The following IRAK1 variants were observed in gnomAD, a reference collection of about 807,000 sequenced individuals.
IRAK1 encodes the protein interleukin-1 receptor-associated kinase 1.
Under a neutral mutation model 49.8 loss-of-function variants are expected in IRAK1, and 9 were observed. That is an observed-to-expected ratio of 0.18 (90% CI 0.11 to 0.32). The LOEUF (loss-of-function observed/expected upper bound fraction) is 0.32. Among genes scored for constraint, IRAK1 ranks in the 10% least tolerant of loss-of-function variants. The pLI is 1.00. For synonymous variants in IRAK1, 282 were observed against 270.8 expected (o/e 1.04, Z -0.41); for missense variants, 418 against 600.5 (o/e 0.70, Z 3.18).
At chrX:154,011,951 T>C (rs2065701740) in intron 13 of IRAK1, 34 bp from the exon 14 acceptor site, 1 of 1,147,547 alleles carries the variant, frequency 8.7e-7, no homozygotes, top group South Asian at 1.8e-5. Context: ...GCTTAGCAAA[T>C]GGGGGAGGCT....
intron 4 of IRAK1, 40 bp downstream of exon 4, chrX:154,018,935 C>T (rs2065760350): frequency 9.3e-7 from 1 of 1,079,085 alleles, no homozygotes; most frequent in Admixed American, 2.7e-5. Context: ...ATTCCTTCCT[C>T]CTTGTCTCGA....
Position 154,019,241 on chromosome X carries a change from C to T in IRAK1, c.392G>A (p.Ser131Asn), listed in dbSNP as rs1557130710. 8.3e-7 allele frequency: 1 copy of T among 1,208,890 alleles called. No homozygotes were observed. The highest frequency in any genetic ancestry group is 1.1e-6 in the Non-Finnish European group (1 of 894,131). ...IPAPAEAEAW[S>N]PRKLPSSAST... ...GGCTGAGGATGGCAACTTCCGGGGG[C>T]TCCAGGCCTCGGCCTCGGCGGGTGC... Residue 131 changes from serine (S) to asparagine (N), a missense_variant, in exon 3 of 14, where the codon AGC (serine) becomes AAC (asparagine). By Grantham distance (46) the Ser-to-Asn change is conservative. Transcript: ENST00000369980.
intron 7 of IRAK1, among the ~76,000 whole-genome samples, chrX:154,017,645 A>T (rs1557129705): frequency 1.8e-5 from 2 of 108,949 alleles, no homozygotes. Flanking sequence ...AAAATACAAA[A>T]ATTAGGCAGG....
rs782442738 is a variant in IRAK1 at position 154,018,140 on chromosome X, A to G, written c.795-20T>C. The G allele has an allele frequency of 8.6e-7, 1 of 1,158,775 alleles. No individual in the cohort carries two copies. Among genetic ancestry groups the G allele is most frequent in the East Asian group, 3.0e-5 (1 of 33,602 alleles). ...CGAAACCTGTTTGAAAAAGGGGAGCACTTTCCATCAGGCCAGACTGGGTGG... is the reference window on the plus strand; with the variant it reads ...CGAAACCTGTTTGAAAAAGGGGAGCGCTTTCCATCAGGCCAGACTGGGTGG... On this transcript the variant is annotated intron_variant, in intron 6 of 13. Coordinates refer to ENST00000369980, the MANE Select transcript of IRAK1 (RefSeq NM_001569.4).
chrX:154,014,131 G>A lies in IRAK1; in HGVS notation c.1450C>T (p.Pro484Ser). Residue 484 changes from proline to serine, a missense_variant, in exon 11 of 14, where the codon CCC (proline) becomes TCC (serine). Transcript: ENST00000369980. ...YKKHLDPRPG[P>S]CPPELGLGLG... ...CCCAGGCCCAGCTCAGGTGGGCAGG[G>A]CCCGGGCCTGGGGTCCAGGTGCTTC... 8.3e-7 allele frequency: 1 copy of A among 1,208,164 alleles called. No individual in the cohort carries two copies. Among genetic ancestry groups the A allele is most frequent in the Non-Finnish European group, 1.1e-6 (1 of 894,029 alleles).
At position 154,014,284 on chromosome X, in the gene IRAK1, G is replaced by A. The variant is rs1469819928; in HGVS notation, c.1303-6C>T. 27 of 1,204,639 alleles carry A rather than the reference G, an allele frequency of 2.2e-5. No individual in the cohort carries two copies. Among genetic ancestry groups the A allele is most frequent in the Non-Finnish European group, 2.9e-5 (26 of 893,387 alleles). On this transcript the variant is annotated splice_polypyrimidine_tract_variant and splice_region_variant and intron_variant, in intron 10 of 13. Transcript: ENST00000369980. ...TCCTCTTCCACCAGGTCTTTCTGTG[G>A]GATAAATACTGTCAGTATGGCTACC... is the stretch of plus-strand genomic sequence containing the variant.
intron 13 of IRAK1, 150 bp downstream of exon 13, chrX:154,012,379 T>A: frequency 1.8e-6 from 1 of 569,195 alleles, no homozygotes; most frequent in Non-Finnish European, 2.7e-6. Context: ...AAGGGAGGCA[T>A]GTGGGGCCGG....
intron 7 of IRAK1, 132 bp downstream of exon 7, chrX:154,017,874 T>G (rs1225602927): frequency 1.8e-5 from 7 of 385,865 alleles, no homozygotes; most frequent in Non-Finnish European, 3.3e-5. Context: ...GCTGGGGAGC[T>G]GGAAGTGCAG....
In IRAK1 at chrX:154,019,898, G is replaced by T; in HGVS notation, c.-86C>A. ...TGGGCCGGCCGGGTCCGCGGACACTGACTCACTTCCCCTTCGAGCCGGCCT... is the reference window on the plus strand; with the variant it reads ...TGGGCCGGCCGGGTCCGCGGACACTTACTCACTTCCCCTTCGAGCCGGCCT... On this transcript the variant is annotated 5_prime_UTR_variant, in exon 1 of 14. Transcript: ENST00000369980. 2 of 436,568 alleles carry T rather than the reference G, an allele frequency of 4.6e-6. No individual in the cohort carries two copies. The highest frequency in any genetic ancestry group is 2.9e-6 in the Non-Finnish European group (1 of 350,509). The allele number at this position is 436,568 out of a possible 1,213,427, so 36.0% of individuals were successfully genotyped here. A position where few individuals can be genotyped will look rare whatever the true frequency, so the allele number is the denominator to read the frequency against.
chrX:154,011,974 G>A, intron 13 of IRAK1, 57 bp from the exon 14 acceptor site: 2 of 1,048,724 alleles, frequency 1.9e-6, no homozygotes, highest in South Asian at 3.8e-5. Flanking sequence ...CCTACTGCCA[G>A]AAGCCCTGGC....
intron 11 of IRAK1, among the ~76,000 whole-genome samples, 197 bp from the exon 12 acceptor site, chrX:154,013,630 A>G (rs2065717807): frequency 8.9e-6 from 1 of 112,836 alleles, no homozygotes. Flanking sequence ...CGGCTGCCAA[A>G]AGCAAGGACT....
At position 154,012,031 on chromosome X, in the gene IRAK1, A is replaced by AT; in HGVS notation, c.2081-115dup. ...CTTATCTCCTGGGGCGTTCGTGGGA[A>AT]TTGAGGGTTTTTGTTTGTTTGTTCA... On this transcript the variant is annotated intron_variant, in intron 13 of 13. Coordinates refer to ENST00000369980, the MANE Select transcript of IRAK1 (RefSeq NM_001569.4). The AT allele has an allele frequency of 8.4e-6, 5 of 598,266 alleles. No individual in the cohort carries two copies. The East Asian group carries it at 1.7e-4, about 20-fold the overall frequency. The allele number at this position is 598,266 out of a possible 1,213,427, so 49.3% of individuals were successfully genotyped here.
In IRAK1 at chrX:154,012,599, G is replaced by A. The variant is rs2065707427; in HGVS notation, c.2010C>T (p.Val670=). Residue 670 remains valine (V), a synonymous_variant, in exon 13 of 14, where the codon GTC becomes GTT. Coordinates refer to ENST00000369980, the MANE Select transcript of IRAK1 (RefSeq NM_001569.4). ...CATCCTCGTACAGGGCCAGCTTCTG[G>A]ACCATCTTCTGTCGGGCAGGGTTGA... is the stretch of plus-strand genomic sequence containing the variant. ...IIINPARQKM[V]QKLALYEDGA... is the part of the protein sequence containing the mutation. 2.5e-6 allele frequency: 3 copies of A among 1,210,556 alleles called. No individual in the cohort carries two copies. Among genetic ancestry groups the A allele is most frequent in the African/African-American group, 1.7e-5 (1 of 57,547 alleles).
chrX:154,017,652 C>T (rs1048471840), intron 7 of IRAK1, among the ~76,000 whole-genome samples: 1 of 109,920 alleles, frequency 9.1e-6, no homozygotes. Flanking sequence ...AAAAATTAGG[C>T]AGGTGTGGTG....
rs1355202895 is a variant in IRAK1, at chrX:154,011,992, C to T, written c.2081-75G>A. 6 of 866,525 alleles carry T rather than the reference C, an allele frequency of 6.9e-6. No homozygotes were observed. In the African/African-American group the frequency reaches 1.2e-4, roughly 17 times the overall value. 71.4% of individuals were successfully genotyped at this position (866,525 alleles called of 1,213,427 possible). Reference sequence around the variant, plus strand: ...ACTGCCAGAAGCCCTGGCTCAAGGCCTGGGCCATGCTCCCTTATCTCCTGG... The same window carrying T: ...ACTGCCAGAAGCCCTGGCTCAAGGCTTGGGCCATGCTCCCTTATCTCCTGG... On this transcript the variant is annotated intron_variant, in intron 13 of 13. Coordinates refer to ENST00000369980, the MANE Select transcript of IRAK1 (RefSeq NM_001569.4).
intron 8 of IRAK1, 51 bp downstream of exon 8, chrX:154,016,898 C>T: frequency 1.1e-6 from 1 of 945,884 alleles, no homozygotes; most frequent in Non-Finnish European, 1.5e-6. Flanking sequence ...GGACGCGGGG[C>T]CCCCCTTGCT....
chrX:154,011,841 T>A lies in IRAK1; in HGVS notation c.*18A>T. 8.3e-7 allele frequency: 1 copy of A among 1,205,014 alleles called. No individual in the cohort carries two copies. The highest frequency in any genetic ancestry group is 1.1e-6 in the Non-Finnish European group (1 of 889,041). ...AACTTTGACTTCCGGATTTGGGGGA[T>A]CTGCCCAGGTGAACACATCAGCTCT... On this transcript the variant is annotated 3_prime_UTR_variant, in exon 14 of 14. Coordinates refer to ENST00000369980, the MANE Select transcript of IRAK1 (RefSeq NM_001569.4).
chrX:154,016,381 C>T, intron 9 of IRAK1, 56 bp downstream of exon 9: 1 of 1,111,666 alleles, frequency 9.0e-7, no homozygotes, highest in Non-Finnish European at 1.2e-6. Flanking sequence ...CAGCCCCCAC[C>T]TCTGCCTGCC....
At chrX:154,015,361 C>T (rs1170579866) in intron 10 of IRAK1, among the ~76,000 whole-genome samples, 1 of 112,613 alleles carries the variant, frequency 8.9e-6, no homozygotes, top group Non-Finnish European at 1.9e-5. Flanking sequence ...AAGGAGGGCT[C>T]AAGCCCGGCT....
Sources: allele counts gnomAD v4.1 joint callset (sites outside exome capture counted in the v4.1 genomes callset), GRCh38; gene constraint gnomAD v4.1.1; transcripts MANE v1.5; gene names NCBI Gene and HGNC (gene_info 2026-07-23, HGNC 2026-07-21).